DCAF1: variants seen among roughly 807,000 people sequenced by gnomAD.
DCAF1 encodes the protein DDB1- and CUL4-associated factor 1.
In DCAF1, 15 loss-of-function variants were observed where a neutral mutation model predicts 128.0. The ratio of observed to expected loss-of-function variants is 0.12; its 90% CI spans 0.08 to 0.18. The LOEUF (loss-of-function observed/expected upper bound fraction) is 0.18. Ranked by LOEUF, DCAF1 falls within the 10% of genes least tolerant of loss-of-function variation. DCAF1 has a pLI of 1.00. For synonymous variants in DCAF1, 610 were observed against 603.0 expected (o/e 1.01, Z -0.17); for missense variants, 988 against 1,649.5 (o/e 0.60, Z 6.95).
upstream of DCAF1, among the ~76,000 whole-genome samples, chr3:51,504,148 T>A (rs1708886374): frequency 6.6e-6 from 1 of 151,104 alleles, no homozygotes; most frequent in Non-Finnish European, 1.5e-5. Flanking sequence ...GCCATTCTCC[T>A]TCCTCAGCAT....
intron 5 of DCAF1, among the ~76,000 whole-genome samples, chr3:51,463,784 A>C (rs114313191): frequency 0.049 from 7,389 of 152,044 alleles, 246 homozygotes; most frequent in Non-Finnish European, 0.075. Flanking sequence ...GTCTCCAAAA[A>C]AACAACAACA....
At chr3:51,448,789 G>A (rs1702102490) in intron 6 of DCAF1, among the ~76,000 whole-genome samples, 1 of 152,036 alleles carries the variant, frequency 6.6e-6, no homozygotes, top group Non-Finnish European at 1.5e-5. Context: ...GATCAATAAG[G>A]AAACAGAGAA....
At chr3:51,422,167 T>C in intron 14 of DCAF1, 140 bp downstream of exon 14, 2 of 603,362 alleles carry the variant, frequency 3.3e-6, no homozygotes, top group South Asian at 2.0e-5. Context: ...GTACTCCTTA[T>C]AAAGGACAGA....
At chr3:51,495,310 G>C (rs1321154887) in intron 2 of DCAF1, among the ~76,000 whole-genome samples, 1 of 150,818 alleles carries the variant, frequency 6.6e-6, no homozygotes, top group Admixed American at 6.7e-5. Context: ...GGCGACAAGA[G>C]CAAAACTCCA....
rs145536951 is a variant in DCAF1, at chr3:51,492,592, A to G, written c.-9+4142T>C. On this transcript the variant is annotated intron_variant, in intron 2 of 24. Transcript: ENST00000684031. Reference sequence around the variant, plus strand: ...ACTAGGAACTGCAAATCAAAACCATAATGAGATATCATTTCTCACCTACTA... The same window carrying G: ...ACTAGGAACTGCAAATCAAAACCATGATGAGATATCATTTCTCACCTACTA... 1.8e-4 allele frequency among the ~76,000 whole-genome samples: 27 copies of G among 152,298 alleles called. No individual in the cohort carries two copies. In the East Asian group the frequency reaches 2.7e-3, roughly 15 times the overall value.
At chr3:51,500,416 CTG>C (rs1708740286), upstream of DCAF1, among the ~76,000 whole-genome samples, 1 of 152,184 alleles carries the variant, frequency 6.6e-6, no homozygotes, top group African/African-American at 2.4e-5. Flanking sequence ...CAAAGAGCCT[CTG>C]TTTTATTTGG....
intron 2 of DCAF1, among the ~76,000 whole-genome samples, chr3:51,496,342 G>T (rs559711131): frequency 6.6e-6 from 1 of 152,198 alleles, no homozygotes; most frequent in South Asian, 2.1e-4. Flanking sequence ...CAGCAGAATC[G>T]CTTGAACCCA....
chr3:51,424,356 C>T (rs1699715013), intron 13 of DCAF1, among the ~76,000 whole-genome samples: 1 of 150,630 alleles, frequency 6.6e-6, no homozygotes. Context: ...GCCGAGATTG[C>T]ACCACTACTG....
chr3:51,414,510 T>C (rs1698707230), intron 19 of DCAF1, 114 bp downstream of exon 19: 4 of 1,412,608 alleles, frequency 2.8e-6, no homozygotes, highest in Admixed American at 2.5e-5. Context: ...ACAGGCACCA[T>C]ATTATTACCA....
At chr3:51,404,522 C>T (rs1486415122) in intron 23 of DCAF1, among the ~76,000 whole-genome samples, 1 of 152,150 alleles carries the variant, frequency 6.6e-6, no homozygotes, top group Non-Finnish European at 1.5e-5. Flanking sequence ...CACTAGAAAC[C>T]AGTGTGTAAC....
At chr3:51,412,857 G>A in intron 22 of DCAF1, 136 bp downstream of exon 22, 1 of 1,346,414 alleles carries the variant, frequency 7.4e-7, no homozygotes, top group Non-Finnish European at 1.0e-6. Context: ...CCCATCAAAT[G>A]AATAGGTTAT....
intron 6 of DCAF1, among the ~76,000 whole-genome samples, chr3:51,446,818 C>T (rs1553640302): frequency 6.6e-6 from 1 of 150,898 alleles, no homozygotes; most frequent in Non-Finnish European, 1.5e-5. Context: ...AAAAATTAGC[C>T]AGCATGGTGG....
chr3:51,498,743 A>T (rs1257275508), intron 1 of DCAF1, among the ~76,000 whole-genome samples: 1 of 152,076 alleles, frequency 6.6e-6, no homozygotes, highest in African/African-American at 2.4e-5. Context: ...AAAAATGGGT[A>T]ATGAATAAAT....
intron 2 of DCAF1, among the ~76,000 whole-genome samples, chr3:51,494,918 T>C (rs984023002): frequency 9.9e-5 from 15 of 152,238 alleles, no homozygotes; most frequent in African/African-American, 3.6e-4. Flanking sequence ...TCTGGTATCA[T>C]TTTCAGAACT....
intron 10 of DCAF1, among the ~76,000 whole-genome samples, chr3:51,432,607 T>C (rs1193569387): frequency 6.6e-6 from 1 of 152,012 alleles, no homozygotes; most frequent in Non-Finnish European, 1.5e-5. Flanking sequence ...TACAGGCACC[T>C]GCCACCATGC....
At chr3:51,422,883 GT>G (rs1418117942) in intron 13 of DCAF1, among the ~76,000 whole-genome samples, 2 of 151,792 alleles carry the variant, frequency 1.3e-5, no homozygotes, top group African/African-American at 4.8e-5. Context: ...GGGCAACATG[GT>G]TTTATCTTTT....
At chr3:51,434,067 A>G (rs1294372575) in intron 9 of DCAF1, among the ~76,000 whole-genome samples, 1 of 145,198 alleles carries the variant, frequency 6.9e-6, no homozygotes, top group Admixed American at 6.8e-5. Context: ...GGGCGACGGA[A>G]GGAGACCCTG....
intron 2 of DCAF1, among the ~76,000 whole-genome samples, chr3:51,486,048 C>A (rs1406603757): frequency 6.6e-6 from 1 of 151,920 alleles, no homozygotes; most frequent in Admixed American, 6.6e-5. Context: ...TGTACCACCA[C>A]GCCAGCAAAT....
At chr3:51,479,331 A>C (rs531340975) in intron 3 of DCAF1, among the ~76,000 whole-genome samples, 6 of 151,888 alleles carry the variant, frequency 4.0e-5, no homozygotes, top group South Asian at 2.1e-4. Context: ...GCGAAAACCT[A>C]TCTCTACTAA....
Sources: gnomAD v4.1 joint callset for allele counts (sites outside exome capture counted in the v4.1 genomes callset) on GRCh38, gnomAD v4.1.1 for gene constraint, MANE v1.5 for transcripts, NCBI Gene and HGNC (gene_info 2026-07-23, HGNC 2026-07-21) for gene names.